Variants in UPF2 observed in about 807,000 individuals in gnomAD.
UPF2 encodes the protein UPF2 regulator of nonsense mediated mRNA decay.
In UPF2, 17 loss-of-function variants were observed where a neutral mutation model predicts 141.4. The ratio of observed to expected loss-of-function variants is 0.12; its 90% CI spans 0.08 to 0.18. The LOEUF is 0.18. UPF2 is among the 10% of genes least tolerant of loss of function. UPF2 has a pLI of 1.00. For synonymous variants in UPF2, 540 were observed against 498.0 expected (o/e 1.08, Z -1.12); for missense variants, 1,152 against 1,515.9 (o/e 0.76, Z 3.99).
chr10:12,005,841 G>A (rs748629222), intron 4 of UPF2, among the ~76,000 whole-genome samples: 1 of 143,112 alleles, frequency 7.0e-6, no homozygotes, highest in Admixed American at 7.3e-5. Flanking sequence ...AAAGTGCTGG[G>A]ATTACAGGCG....
At chr10:12,030,218 A>AC (rs1834493850) in intron 2 of UPF2, among the ~76,000 whole-genome samples, 1 of 152,132 alleles carries the variant, frequency 6.6e-6, no homozygotes, top group African/African-American at 2.4e-5. Flanking sequence ...ATGGGCAAAG[A>AC]GAAAAAAAAA....
At chr10:12,017,207 A>G (rs1300622170) in intron 3 of UPF2, among the ~76,000 whole-genome samples, 1 of 152,170 alleles carries the variant, frequency 6.6e-6, no homozygotes, top group Admixed American at 6.5e-5. Flanking sequence ...CCTAATGACA[A>G]TTACTATGCA....
intron 5 of UPF2, among the ~76,000 whole-genome samples, chr10:12,004,276 TACAAG>T (rs1833999142): frequency 6.6e-6 from 1 of 152,166 alleles, no homozygotes; most frequent in Non-Finnish European, 1.5e-5. Context: ...TTGAATTCAC[TACAAG>T]ACATTATAAA....
At chr10:12,001,567 A>G (rs1833952925) in intron 6 of UPF2, 109 bp downstream of exon 6, 2 of 1,114,946 alleles carry the variant, frequency 1.8e-6, no homozygotes, top group Non-Finnish European at 2.4e-6. Context: ...CAACAGAAAA[A>G]CAAGGAATTA....
At chr10:11,969,262 C>T (rs985921090) in intron 9 of UPF2, among the ~76,000 whole-genome samples, 2 of 149,342 alleles carry the variant, frequency 1.3e-5, no homozygotes, top group South Asian at 2.1e-4. Flanking sequence ...CTCTGCCTCT[C>T]GGGTTCAAGT....
chr10:12,013,782 T>C (rs772334092), intron 4 of UPF2, among the ~76,000 whole-genome samples: 6 of 152,176 alleles, frequency 3.9e-5, no homozygotes, highest in Non-Finnish European at 2.9e-5. Context: ...TTTTTTTTAA[T>C]AGAGATGGGG....
chr10:11,951,229 AT>A (rs1224369036), intron 15 of UPF2, among the ~76,000 whole-genome samples: 1 of 151,888 alleles, frequency 6.6e-6, no homozygotes, highest in Admixed American at 6.6e-5. Flanking sequence ...TTCCTGGATA[AT>A]TTTTGTATTT....
intron 2 of UPF2, among the ~76,000 whole-genome samples, chr10:12,030,118 C>T (rs1359837423): frequency 6.6e-5 from 10 of 151,982 alleles, no homozygotes; most frequent in Non-Finnish European, 1.2e-4. Flanking sequence ...ATTCTGCCAA[C>T]TGGCAAGCTA....
intron 18 of UPF2, among the ~76,000 whole-genome samples, chr10:11,941,903 G>T (rs1271342739): frequency 6.6e-6 from 1 of 152,168 alleles, no homozygotes; most frequent in African/African-American, 2.4e-5. Flanking sequence ...GTTTATTAAT[G>T]TTATGAATAC....
At chr10:12,037,688 G>A (rs981395561) in intron 1 of UPF2, among the ~76,000 whole-genome samples, 4 of 151,838 alleles carry the variant, frequency 2.6e-5, no homozygotes, top group African/African-American at 7.3e-5. Context: ...CACAGTGCCC[G>A]GCCAGCCCTT....
At chr10:11,973,778 G>A (rs1193382584) in intron 9 of UPF2, among the ~76,000 whole-genome samples, 1 of 152,258 alleles carries the variant, frequency 6.6e-6, no homozygotes, top group Admixed American at 6.5e-5. Context: ...TGCTGTTTTG[G>A]TTACTGTAGC....
intron 21 of UPF2, among the ~76,000 whole-genome samples, chr10:11,922,578 G>A (rs1381373173): frequency 6.6e-6 from 1 of 152,128 alleles, no homozygotes; most frequent in Non-Finnish European, 1.5e-5. Flanking sequence ...GCTAAGTAAG[G>A]TATAGTTATA....
At position 11,940,828 on chromosome 10, in the gene UPF2, G is replaced by A. The variant is rs1448969366; in HGVS notation, c.3378+1837C>T. On this transcript the variant is annotated intron_variant, in intron 18 of 21. Transcript: ENST00000357604. The surrounding 1 kb of genome is among the most constrained non-coding windows in gnomAD (Gnocchi z 4.2). The stretch of plus-strand genomic sequence containing the variant: ...TACCTCTGCCCTCCCACACAGGATT[G>A]TGCCCCGCCCTCTATTAGTGCTGGC... Among the ~76,000 whole-genome samples, 1 of 152,132 alleles carries A rather than the reference G, an allele frequency of 6.6e-6. No individual in the cohort carries two copies. Among genetic ancestry groups the A allele is most frequent in the African/African-American group, 2.4e-5 (1 of 41,424 alleles).
Position 12,025,155 on chromosome 10 carries a change from G to A in UPF2, c.1145+3590C>T, listed in dbSNP as rs549667299. ...TCAAGTTGAAGCTATCCTAAGGCAT[G>A]AGTGATTTATTAAGCCATATGCCAA... On this transcript the variant is annotated intron_variant, in intron 3 of 21. Coordinates refer to ENST00000357604, the MANE Select transcript of UPF2 (RefSeq NM_015542.4). 3.3e-5 allele frequency among the ~76,000 whole-genome samples: 5 copies of A among 152,214 alleles called. No individual in the cohort carries two copies. In the East Asian group the frequency reaches 9.6e-4, roughly 29 times the overall value.
intron 18 of UPF2, among the ~76,000 whole-genome samples, chr10:11,938,111 T>C (rs892409637): frequency 5.9e-5 from 9 of 152,284 alleles, no homozygotes; most frequent in South Asian, 2.1e-4. Flanking sequence ...TGCAGTATGT[T>C]CTTTTGGATT....
rs1343862320 is a variant in UPF2 at position 11,956,664 on chromosome 10, A to G, written c.2371-141T>C. The G allele has an allele frequency of 4.1e-6, 3 of 726,746 alleles. No individual in the cohort carries two copies. The African/African-American group carries it at 5.4e-5, about 13-fold the overall frequency. 45.0% of individuals were successfully genotyped at this position (726,746 alleles called of 1,614,324 possible). On this transcript the variant is annotated intron_variant, in intron 12 of 21. Coordinates refer to ENST00000357604, the MANE Select transcript of UPF2 (RefSeq NM_015542.4). The surrounding 1 kb of genome is among the most constrained non-coding windows in gnomAD (Gnocchi z 4.2). ...GAAATCCTCTATCGGCCTCTTCAGA[A>G]ATAGAAAAACTGAGACTTTCTAATT... is the stretch of plus-strand genomic sequence containing the variant.
intron 9 of UPF2, 80 bp from the exon 10 acceptor site, chr10:11,967,534 G>A (rs770052984): frequency 1.7e-5 from 10 of 582,316 alleles, no homozygotes; most frequent in Non-Finnish European, 2.5e-5. Context: ...TAATGCATTC[G>A]AATTCACTCC....
chr10:12,017,255 T>A (rs907072627), intron 3 of UPF2, among the ~76,000 whole-genome samples: 2 of 152,130 alleles, frequency 1.3e-5, no homozygotes, highest in African/African-American at 4.8e-5. Context: ...GGAAAATATA[T>A]CTCAGAATAA....
chr10:11,996,214 C>T (rs1233352912), intron 8 of UPF2, among the ~76,000 whole-genome samples: 1 of 152,004 alleles, frequency 6.6e-6, no homozygotes, highest in Non-Finnish European at 1.5e-5. Flanking sequence ...ACAATCTTTC[C>T]TGATTATCAG....
Sources: gnomAD v4.1 joint callset for allele counts (sites outside exome capture counted in the v4.1 genomes callset) on GRCh38, gnomAD v4.1.1 for gene constraint, Gnocchi (gnomAD v3.1) non-coding constraint, MANE v1.5 for transcripts, NCBI Gene and HGNC (gene_info 2026-07-23, HGNC 2026-07-21) for gene names.